SHANK2: variants seen among roughly 807,000 people sequenced by gnomAD.
SHANK2 encodes the protein SH3 and multiple ankyrin repeat domains 2, also known as SH3 and multiple ankyrin repeat domains protein 2.
In SHANK2, 43 loss-of-function variants were observed where a neutral mutation model predicts 133.7. The observed-to-expected ratio is 0.32, with a 90% CI of 0.25 to 0.41. The LOEUF (loss-of-function observed/expected upper bound fraction) is 0.41. Ranked by LOEUF, SHANK2 falls within the 10% of genes least tolerant of loss-of-function variation. The probability of loss-of-function intolerance (pLI) is 1.00; values close to 1 mark genes in which losing one functional copy is unlikely to be tolerated. For missense variants in SHANK2, 1,994 were observed against 2,235.8 expected (o/e 0.89, Z 2.18); for synonymous variants, 1,017 against 952.8 (o/e 1.07, Z -1.24).
chr11:70,952,539 A>C (rs1172246221), intron 10 of SHANK2, among the ~76,000 whole-genome samples: 4 of 152,224 alleles, frequency 2.6e-5, no homozygotes, highest in African/African-American at 9.6e-5. Flanking sequence ...TGCAAAATGC[A>C]GTCTCTGGGT....
chr11:70,693,243 C>G (rs1253599707), intron 15 of SHANK2, among the ~76,000 whole-genome samples: 2 of 152,214 alleles, frequency 1.3e-5, no homozygotes, highest in African/African-American at 4.8e-5. Context: ...CAGATGATGT[C>G]TCTTCTGCCT....
intron 6 of SHANK2, among the ~76,000 whole-genome samples, chr11:71,103,726 T>A (rs1951756668): frequency 6.6e-6 from 1 of 152,044 alleles, no homozygotes; most frequent in Non-Finnish European, 1.5e-5. Flanking sequence ...GGGGGCAGAT[T>A]TGTCATGAAT....
chr11:70,648,829 G>A (rs902665662), intron 17 of SHANK2, among the ~76,000 whole-genome samples: 2 of 152,152 alleles, frequency 1.3e-5, no homozygotes, highest in African/African-American at 4.8e-5. Flanking sequence ...CCTCAGTGGT[G>A]CCTTCCTTTC....
At chr11:71,225,990 T>C (rs1182818359) in intron 1 of SHANK2, among the ~76,000 whole-genome samples, 3 of 152,016 alleles carry the variant, frequency 2.0e-5, no homozygotes, top group Non-Finnish European at 4.4e-5. Flanking sequence ...GGGTTGGTGG[T>C]GGGCACCTGT....
chr11:70,501,917 G>A lies in SHANK2; in HGVS notation c.2287+6C>T. 1 of 1,560,062 alleles carries A rather than the reference G, an allele frequency of 6.4e-7. No individual in the cohort carries two copies. Among genetic ancestry groups the A allele is most frequent in the East Asian group, 2.4e-5 (1 of 41,820 alleles). On this transcript the variant is annotated splice_donor_region_variant and intron_variant, in intron 20 of 25. Transcript: ENST00000601538. The stretch of plus-strand genomic sequence containing the variant: ...GCTGCTTTGGGGACCCAGTGGGGCT[G>A]CTTACCTTTATCCACTAGTGAGAGG...
At chr11:70,718,827 G>T (rs1565266845) in intron 14 of SHANK2, among the ~76,000 whole-genome samples, 1 of 151,622 alleles carries the variant, frequency 6.6e-6, no homozygotes, top group Non-Finnish European at 1.5e-5. Flanking sequence ...ATACTCAATG[G>T]ATGTCCTTCA....
At chr11:70,661,730 A>C (rs782537070) in intron 15 of SHANK2, 52 bp from the exon 16 acceptor site, 1 of 1,614,030 alleles carries the variant, frequency 6.2e-7, no homozygotes, top group Non-Finnish European at 8.5e-7. Context: ...CGTCATCATC[A>C]CCGCGGCCGC....
intron 2 of SHANK2, among the ~76,000 whole-genome samples, chr11:71,177,035 G>A (rs1425696273): frequency 1.3e-5 from 2 of 152,210 alleles, no homozygotes; most frequent in African/African-American, 4.8e-5. Context: ...TGATGGAAAT[G>A]ATTCAAGTGA....
At chr11:71,221,141 C>T (rs1954528836) in intron 2 of SHANK2, among the ~76,000 whole-genome samples, 1 of 148,620 alleles carries the variant, frequency 6.7e-6, no homozygotes, top group African/African-American at 2.5e-5. Flanking sequence ...GCGGAGGTTG[C>T]AGTGAGCCGA....
chr11:70,844,633 C>T (rs1446511989), intron 11 of SHANK2, among the ~76,000 whole-genome samples: 1 of 152,214 alleles, frequency 6.6e-6, no homozygotes, highest in African/African-American at 2.4e-5. Context: ...AGGATACATG[C>T]TGTTCTTTTA....
At chr11:70,896,347 C>T (rs1265658020) in intron 11 of SHANK2, 154 bp downstream of exon 11, 16 of 573,386 alleles carry the variant, frequency 2.8e-5, no homozygotes, top group Non-Finnish European at 4.4e-5. Context: ...AAAGTTAAGA[C>T]CAGAGACAGA....
intron 17 of SHANK2, among the ~76,000 whole-genome samples, chr11:70,638,590 A>G (rs1555005197): frequency 6.6e-6 from 1 of 152,234 alleles, no homozygotes; most frequent in East Asian, 1.9e-4. Context: ...GCGGTGGCCG[A>G]GGAAGCCCTA....
At chr11:71,126,167 G>A (rs537624771) in intron 3 of SHANK2, among the ~76,000 whole-genome samples, 30 of 119,212 alleles carry the variant, frequency 2.5e-4, no homozygotes, top group African/African-American at 9.2e-4. Context: ...GCAGTGAGCC[G>A]AGATCATGCC....
chr11:70,474,677 G>GGAGGA (rs2058640409), intron 25 of SHANK2: 2 of 152,458 alleles, frequency 1.3e-5, no homozygotes, highest in African/African-American at 4.8e-5. Context: ...ACTGGGGAGG[G>GGAGGA]GAGGAGAGGT....
chr11:71,080,780 G>C (rs933993922), intron 8 of SHANK2, among the ~76,000 whole-genome samples: 1 of 152,200 alleles, frequency 6.6e-6, no homozygotes, highest in Non-Finnish European at 1.5e-5. Context: ...CCCCTCGCAT[G>C]GCCTGAGCCA....
intron 12 of SHANK2, among the ~76,000 whole-genome samples, chr11:70,809,518 T>C (rs782261680): frequency 2.0e-5 from 3 of 152,342 alleles, no homozygotes; most frequent in Non-Finnish European, 4.4e-5. Flanking sequence ...TGTGCTTGTA[T>C]AAAGTTACAG....
At chr11:70,713,805 AAC>A (rs1473581402) in intron 14 of SHANK2, among the ~76,000 whole-genome samples, 1 of 152,178 alleles carries the variant, frequency 6.6e-6, no homozygotes, top group African/African-American at 2.4e-5. Context: ...TTAAGTGTAA[AAC>A]ACACTCTCTT....
chr11:70,903,391 TAAATAAAATAAAATAAAATAAAATA>T (rs61298155), intron 10 of SHANK2, among the ~76,000 whole-genome samples: 1,599 of 125,844 alleles, frequency 0.013, 32 homozygotes, highest in African/African-American at 0.044. Context: ...TAAAATAAAG[TAAATAAAATAAAATAAAATAAAATA>T]AAATAAAATA....
chr11:70,593,090 C>T (rs571941260), intron 17 of SHANK2, among the ~76,000 whole-genome samples: 2 of 152,344 alleles, frequency 1.3e-5, no homozygotes, highest in South Asian at 4.1e-4. Flanking sequence ...AGGCCTGTGG[C>T]TGCCCCTGCT....
Sources: gnomAD v4.1 joint callset for allele counts (sites outside exome capture counted in the v4.1 genomes callset) on GRCh38, gnomAD v4.1.1 for gene constraint, MANE v1.5 for transcripts, NCBI Gene and HGNC (gene_info 2026-07-23, HGNC 2026-07-21) for gene names.